The following NDST4 variants were observed in gnomAD, a reference collection of about 807,000 sequenced individuals.
The protein encoded by NDST4 is N-deacetylase and N-sulfotransferase 4, also known as N-heparan sulfate sulfotransferase 4.
In NDST4, 63 loss-of-function variants were observed where a neutral mutation model predicts 100.8. That is an observed-to-expected ratio of 0.62 (90% CI 0.51 to 0.77). The LOEUF (loss-of-function observed/expected upper bound fraction) is 0.77, where lower values mean the gene tolerates loss of function less well. Among genes scored for constraint, NDST4 ranks in the 30% least tolerant of loss-of-function variants. The probability of loss-of-function intolerance (pLI) is 0.00; values close to 1 mark genes in which losing one functional copy is unlikely to be tolerated. For missense variants in NDST4, 943 were observed against 1,018.4 expected (o/e 0.93, Z 1.01); for synonymous variants, 377 against 361.8 (o/e 1.04, Z -0.48).
intron 4 of NDST4, among the ~76,000 whole-genome samples, chr4:114,954,450 A>T (rs1009651356): frequency 6.6e-6 from 1 of 152,156 alleles, no homozygotes; most frequent in African/African-American, 2.4e-5. Flanking sequence ...AAACGGATTG[A>T]GGTATATTAG....
chr4:114,999,598 A>G (rs550892508), intron 2 of NDST4, among the ~76,000 whole-genome samples: 2 of 152,234 alleles, frequency 1.3e-5, no homozygotes, highest in East Asian at 3.9e-4. Context: ...GAAGATTTGA[A>G]GCACAATAAC....
chr4:114,949,253 A>T (rs1320910098), intron 4 of NDST4, among the ~76,000 whole-genome samples: 1 of 151,952 alleles, frequency 6.6e-6, no homozygotes, highest in Non-Finnish European at 1.5e-5. Context: ...TATTCTATAT[A>T]AATATTCCTT....
chr4:114,869,039 A>G (rs1489232170), intron 7 of NDST4, among the ~76,000 whole-genome samples: 1 of 151,042 alleles, frequency 6.6e-6, no homozygotes, highest in South Asian at 2.1e-4. Context: ...ATTTCCATTT[A>G]TACCCCTAAT....
intron 4 of NDST4, among the ~76,000 whole-genome samples, chr4:114,940,565 A>G (rs188097817): frequency 4.9e-4 from 75 of 152,304 alleles, no homozygotes; most frequent in African/African-American, 1.7e-3. Flanking sequence ...AGGGGCCAGC[A>G]TGAGTGCTTC....
At chr4:115,022,255 CATATAT>C (rs1163252226) in intron 2 of NDST4, among the ~76,000 whole-genome samples, 1 of 150,130 alleles carries the variant, frequency 6.7e-6, no homozygotes, top group Non-Finnish European at 1.5e-5. Context: ...ATGCACGTTC[CATATAT>C]ATAAGTTCCA....
chr4:115,063,930 A>G (rs1333221304), intron 2 of NDST4, among the ~76,000 whole-genome samples: 1 of 151,526 alleles, frequency 6.6e-6, no homozygotes, highest in Non-Finnish European at 1.5e-5. Context: ...ACTCATGGAC[A>G]TTAATTGTCT....
At chr4:114,926,474 T>C (rs1423490981) in intron 6 of NDST4, among the ~76,000 whole-genome samples, 1 of 152,040 alleles carries the variant, frequency 6.6e-6, no homozygotes, top group Non-Finnish European at 1.5e-5. Flanking sequence ...TATGGTAAAT[T>C]ATAAAATAAT....
intron 6 of NDST4, among the ~76,000 whole-genome samples, chr4:114,916,283 T>C (rs1044064712): frequency 3.3e-5 from 5 of 152,164 alleles, no homozygotes; most frequent in South Asian, 2.1e-4. Flanking sequence ...CATTCCCTTA[T>C]GTAAGTGCCC....
chr4:114,848,864 G>C (rs552615153), intron 8 of NDST4, among the ~76,000 whole-genome samples: 2 of 152,282 alleles, frequency 1.3e-5, no homozygotes, highest in South Asian at 4.1e-4. Context: ...TCCCTGTGTG[G>C]ACTTGGACAA....
At chr4:114,984,674 C>G (rs781008993) in intron 2 of NDST4, among the ~76,000 whole-genome samples, 6 of 151,932 alleles carry the variant, frequency 3.9e-5, no homozygotes, top group Non-Finnish European at 7.4e-5. Flanking sequence ...ATTAAATAGT[C>G]CACCCAGATA....
intron 2 of NDST4, among the ~76,000 whole-genome samples, chr4:115,074,948 C>T (rs1279832808): frequency 6.6e-6 from 1 of 152,040 alleles, no homozygotes; most frequent in East Asian, 1.9e-4. Flanking sequence ...ATGAGACAGT[C>T]ACAAGTAAAA....
chr4:114,911,975 TG>T (rs1465745329), intron 6 of NDST4, among the ~76,000 whole-genome samples: 1 of 152,106 alleles, frequency 6.6e-6, no homozygotes. Flanking sequence ...AGGCATTAGG[TG>T]CAGACAGATG....
chr4:115,009,416 G>A (rs1727492823), intron 2 of NDST4, among the ~76,000 whole-genome samples: 1 of 127,708 alleles, frequency 7.8e-6, no homozygotes, highest in African/African-American at 3.0e-5. Flanking sequence ...ACAAACCTGA[G>A]AAAAACAAGC....
intron 3 of NDST4, among the ~76,000 whole-genome samples, chr4:114,974,324 T>G (rs1409565160): frequency 6.6e-6 from 1 of 152,104 alleles, no homozygotes; most frequent in Non-Finnish European, 1.5e-5. Flanking sequence ...TGTAACACTC[T>G]ACTTACTGTC....
Position 114,939,684 on chromosome 4 carries a change from CA to C in NDST4, c.1222-2182del, listed in dbSNP as rs11405644. Among the ~76,000 whole-genome samples the C allele has an allele frequency of 2.2e-3, 324 of 148,486 alleles. 2 individuals carry two copies. The highest frequency in any genetic ancestry group is 7.7e-3 in the African/African-American group (313 of 40,566). ...GTAGTAAAATGAATTGTAGAACTTT[CA>C]AAAAAAAAAGGTAAAAAGCAATTGA... On this transcript the variant is annotated intron_variant, in intron 4 of 13. Coordinates refer to ENST00000264363, the MANE Select transcript of NDST4 (RefSeq NM_022569.3).
At chr4:114,919,355 AC>A (rs1655601568) in intron 6 of NDST4, among the ~76,000 whole-genome samples, 1 of 152,150 alleles carries the variant, frequency 6.6e-6, no homozygotes, top group Non-Finnish European at 1.5e-5. Flanking sequence ...AAAAAATAAG[AC>A]AAGTTAGTGA....
intron 7 of NDST4, among the ~76,000 whole-genome samples, chr4:114,866,463 T>C (rs1003726324): frequency 6.6e-6 from 1 of 152,236 alleles, no homozygotes; most frequent in African/African-American, 2.4e-5. Flanking sequence ...TTGTACCTGC[T>C]TCTATAGGTT....
intron 2 of NDST4, among the ~76,000 whole-genome samples, chr4:115,014,956 C>A (rs1269687067): frequency 6.6e-6 from 1 of 152,036 alleles, no homozygotes. Flanking sequence ...ATGAACAGTT[C>A]TAGGTTAAGT....
In NDST4 at chr4:114,829,837, A is replaced by T. The variant is rs1484404550; in HGVS notation, c.2452T>A (p.Cys818Ser). The T allele has an allele frequency of 6.2e-6, 10 of 1,611,952 alleles. No individual in the cohort carries two copies. The highest frequency in any genetic ancestry group is 1.3e-5 in the African/African-American group (1 of 74,826). Reference sequence around the variant, plus strand: ...TTTCGGCCTTTGCTTTTTCCAAGGCATTTTGTCTTTCCTCCTTCCAGTAAT... The same window carrying T: ...TTTCGGCCTTTGCTTTTTCCAAGGCTTTTTGTCTTTCCTCCTTCCAGTAAT... The part of the protein sequence containing the change: ...CQLLEGGKTK[C>S]LGKSKGRKYP... Residue 818 changes from cysteine (C) to serine (S), a missense_variant, in exon 13 of 14, where the codon TGC (cysteine) becomes AGC (serine). Around this residue, in one of 2 missense-constraint regions of NDST4, gnomAD observed 526 missense variants for 634.1 expected, o/e 0.83. Coordinates refer to ENST00000264363, the MANE Select transcript of NDST4 (RefSeq NM_022569.3).
Sources: gnomAD v4.1 joint callset for allele counts (sites outside exome capture counted in the v4.1 genomes callset) on GRCh38, gnomAD v4.1.1 for gene constraint, gnomAD v4.1.1 regional missense constraint, MANE v1.5 for transcripts, NCBI Gene and HGNC (gene_info 2026-07-23, HGNC 2026-07-21) for gene names.